Variants in TRIM58 observed in about 807,000 individuals in gnomAD.
TRIM58 encodes E3 ubiquitin-protein ligase TRIM58.
Under a neutral mutation model 34.1 loss-of-function variants are expected in TRIM58, and 38 were observed. That is an observed-to-expected ratio of 1.12 (90% CI 0.86 to 1.46). The LOEUF (loss-of-function observed/expected upper bound fraction) is 1.46. Among genes scored for constraint, TRIM58 ranks in the 40% most tolerant of loss-of-function variants. The pLI is 0.00. For synonymous variants in TRIM58, 273 were observed against 275.7 expected, an observed-to-expected ratio of 0.99 and a Z score of 0.10; for missense variants, 677 against 642.0, an observed-to-expected ratio of 1.05 and a Z score of -0.59.
chr1:247,874,281 G>A (rs781343523), intron 5 of TRIM58, among the ~76,000 whole-genome samples: 6 of 152,310 alleles, frequency 3.9e-5, no homozygotes, highest in South Asian at 2.1e-4. Context: ...AGGAGCCAGC[G>A]TATCACATGG....
chr1:247,869,724 G>A (rs1404144613), intron 5 of TRIM58, among the ~76,000 whole-genome samples: 1 of 152,192 alleles, frequency 6.6e-6, no homozygotes, highest in East Asian at 1.9e-4. Flanking sequence ...AAACTATCAA[G>A]GAGACAGTGT....
intron 3 of TRIM58, among the ~76,000 whole-genome samples, chr1:247,865,282 A>G (rs1018052421): frequency 7.2e-5 from 11 of 152,148 alleles, no homozygotes; most frequent in Non-Finnish European, 2.9e-5. Flanking sequence ...AACAAACAGC[A>G]TATAGTTTGT....
In TRIM58 at chr1:247,864,825, CAG is replaced by C. The variant is rs778640167; in HGVS notation, c.641_642del (p.Arg214ThrfsTer21). On this transcript the variant is annotated frameshift_variant, in exon 3 of 6. Coordinates refer to ENST00000366481, the MANE Select transcript of TRIM58 (RefSeq NM_015431.4). LOFTEE classifies it high-confidence loss of function. The stretch of plus-strand genomic sequence containing the variant: ...GGAGGCGGAGGAGCGAGCGACGCTG[CAG>C]AGACTGCGGGAGAGCAAGAGCCGGC... Reference protein sequence around the residue: ...RLEAEERATLQRLRESKSRLV... With the variant: ...RLEAEERATLXRLRESKSRLV... The C allele has an allele frequency of 1.1e-5, 18 of 1,613,706 alleles. No individual in the cohort carries two copies. In the East Asian group the frequency reaches 4.0e-4, roughly 36 times the overall value.
chr1:247,857,187 G>A lies in TRIM58; in HGVS notation c.-60G>A, dbSNP rs1374353100. On this transcript the variant is annotated 5_prime_UTR_variant, in exon 1 of 6. Transcript: ENST00000366481. Reference sequence around the variant, plus strand: ...CTGGGGCGTGGGCTCCTCCCCCTGTGCAGACCGCGAGGGGAGACGGTGCGG... The same window carrying A: ...CTGGGGCGTGGGCTCCTCCCCCTGTACAGACCGCGAGGGGAGACGGTGCGG... 7 of 1,297,066 alleles carry A rather than the reference G, an allele frequency of 5.4e-6. No homozygotes were observed. Among genetic ancestry groups the A allele is most frequent in the African/African-American group, 3.1e-5 (2 of 64,636 alleles). The allele number at this position is 1,297,066 out of a possible 1,614,324, so 80.3% of individuals were successfully genotyped here.
At chr1:247,866,343 A>T (rs1663924839) in intron 3 of TRIM58, among the ~76,000 whole-genome samples, 1 of 146,858 alleles carries the variant, frequency 6.8e-6, no homozygotes, top group South Asian at 2.2e-4. Flanking sequence ...CACCTGGCTA[A>T]TTTTTTTTTT....
At position 247,864,702 on chromosome 1, in the gene TRIM58, C is replaced by G. The variant is rs770038479; in HGVS notation, c.517-3C>G. 1 of 1,613,778 alleles carries G rather than the reference C, an allele frequency of 6.2e-7. No individual in the cohort carries two copies. The highest frequency in any genetic ancestry group is 1.7e-5 in the Admixed American group (1 of 59,986). ...GACGATGTGATCCACGGTGTCACCT[C>G]AGGAGAAAGTGGAAATGCAGAGGCA... On this transcript the variant is annotated splice_region_variant and splice_polypyrimidine_tract_variant and intron_variant, in intron 2 of 5. Transcript: ENST00000366481.
intron 5 of TRIM58, among the ~76,000 whole-genome samples, chr1:247,873,524 T>C (rs1659197239): frequency 6.6e-6 from 1 of 152,210 alleles, no homozygotes; most frequent in South Asian, 2.1e-4. Context: ...CTCTGTTATT[T>C]ACCTCTAGAG....
chr1:247,857,558 C>A lies in TRIM58; in HGVS notation c.312C>A (p.Ser104Arg). 7.9e-7 allele frequency: 1 copy of A among 1,271,682 alleles called. No homozygotes were observed. The allele number at this position is 1,271,682 out of a possible 1,614,324, so 78.8% of individuals were successfully genotyped here. A position where few individuals can be genotyped will look rare whatever the true frequency, so the allele number is the denominator to read the frequency against. Residue 104 changes from serine (S) to arginine (R), a missense_variant, in exon 1 of 6, where the codon AGC (serine) becomes AGA (arginine). Ser to Arg is a moderately radical substitution (Grantham distance 110). Transcript: ENST00000366481. The stretch of plus-strand genomic sequence containing the variant: ...GCGCGCGGCACGGCGAGGACCTGAG[C>A]CGCTTCTGCGAGGAGGACGAGGCGG... ...RRCARHGEDLSRFCEEDEAAL... is the reference protein window; with the variant it reads ...RRCARHGEDLRRFCEEDEAAL...
intron 3 of TRIM58, among the ~76,000 whole-genome samples, chr1:247,867,121 C>T (rs1403687727): frequency 1.3e-5 from 2 of 152,008 alleles, no homozygotes; most frequent in African/African-American, 4.8e-5. Flanking sequence ...TAGATAACCT[C>T]CTCATAGGAA....
rs1663655817 is a variant in TRIM58 at position 247,857,366 on chromosome 1, C to T, written c.120C>T (p.Ile40=). Residue 40 remains isoleucine (I), a synonymous_variant, in exon 1 of 6, where the codon ATC becomes ATT. Transcript: ENST00000366481. ...GCCACAGCTTCTGCCTCAGGTGCAT[C>T]TCCGAGTTCTGCGAGAAGTCGGACG... ...DCGHSFCLRC[I]SEFCEKSDGA... The T allele has an allele frequency of 6.6e-7, 1 of 1,525,178 alleles. No individual in the cohort carries two copies. The allele number at this position is 1,525,178 out of a possible 1,614,324, so 94.5% of individuals were successfully genotyped here. A position where few individuals can be genotyped will look rare whatever the true frequency, so the allele number is the denominator to read the frequency against.
chr1:247,868,277 TC>T (rs1663976142), intron 5 of TRIM58, among the ~76,000 whole-genome samples: 1 of 152,136 alleles, frequency 6.6e-6, no homozygotes, highest in African/African-American at 2.4e-5. Context: ...GTTGGTTTGT[TC>T]CTAGGTGTGG....
At position 247,857,208 on chromosome 1, in the gene TRIM58, T is replaced by G. The variant is rs1049311505; in HGVS notation, c.-39T>G. 1.7e-4 allele frequency: 216 copies of G among 1,304,870 alleles called. No homozygotes were observed. Among genetic ancestry groups the G allele is most frequent in the Non-Finnish European group, 2.0e-4 (205 of 1,021,940 alleles). 80.8% of individuals were successfully genotyped at this position (1,304,870 alleles called of 1,614,324 possible). ...CTGTGCAGACCGCGAGGGGAGACGGTGCGGGCGGCCGGGAGCGCAGCCCTC... is the reference window on the plus strand; with the variant it reads ...CTGTGCAGACCGCGAGGGGAGACGGGGCGGGCGGCCGGGAGCGCAGCCCTC... On this transcript the variant is annotated 5_prime_UTR_variant, in exon 1 of 6. Coordinates refer to ENST00000366481, the MANE Select transcript of TRIM58 (RefSeq NM_015431.4).
rs1572583176 is a variant in TRIM58 at position 247,879,129 on chromosome 1, T to G, written c.*2640T>G. Among the ~76,000 whole-genome samples, 1 of 152,110 alleles carries G rather than the reference T, an allele frequency of 6.6e-6. No homozygotes were observed. The highest frequency in any genetic ancestry group is 1.9e-4 in the East Asian group (1 of 5,178). On this transcript the variant is annotated 3_prime_UTR_variant, in exon 6 of 6. Coordinates refer to ENST00000366481, the MANE Select transcript of TRIM58 (RefSeq NM_015431.4). Reference sequence around the variant, plus strand: ...ATTTGCCTAAAACTTACCCACAAATTTCTCCCCAAGTCTCTCCCTAACTGC... The same window carrying G: ...ATTTGCCTAAAACTTACCCACAAATGTCTCCCCAAGTCTCTCCCTAACTGC...
rs1664014793 is a variant in TRIM58 at position 247,869,649 on chromosome 1, C to G, written c.871+1586C>G. On this transcript the variant is annotated intron_variant, in intron 5 of 5. Transcript: ENST00000366481. The stretch of plus-strand genomic sequence containing the variant: ...TATCATAGGCATGGTGACTCATGCA[C>G]TCCTCTTAAAGGTACCCATGCTGAA... 2.0e-5 allele frequency among the ~76,000 whole-genome samples: 3 copies of G among 152,324 alleles called. No homozygotes were observed. The South Asian group carries it at 6.2e-4, about 32-fold the overall frequency.
intron 2 of TRIM58, among the ~76,000 whole-genome samples, chr1:247,862,240 A>G (rs1437775355): frequency 1.3e-5 from 2 of 152,162 alleles, no homozygotes; most frequent in Non-Finnish European, 2.9e-5. Flanking sequence ...TGTTAATAAC[A>G]TTAGTACCTA....
chr1:247,865,042 AG>A, intron 3 of TRIM58, 107 bp downstream of exon 3: 1 of 1,062,888 alleles, frequency 9.4e-7, no homozygotes, highest in South Asian at 1.7e-5. Flanking sequence ...CTTTAGGAAA[AG>A]GGCACCCTCA....
intron 5 of TRIM58, among the ~76,000 whole-genome samples, chr1:247,870,182 C>T (rs1219337312): frequency 6.6e-6 from 1 of 152,042 alleles, no homozygotes; most frequent in Non-Finnish European, 1.5e-5. Context: ...TCTCCAAGGG[C>T]CTTTAATTTA....
rs550153705 is a variant in TRIM58, at chr1:247,879,869, C to T, written c.*3380C>T. 1.3e-5 allele frequency among the ~76,000 whole-genome samples: 2 copies of T among 152,134 alleles called. No individual in the cohort carries two copies. Among genetic ancestry groups the T allele is most frequent in the East Asian group, 3.9e-4 (2 of 5,132 alleles). ...TACTCCCCCCAGAGCCCATCTAGAG[C>T]TCACCTTTCCAGTCGCCCTTGCCAG... On this transcript the variant is annotated 3_prime_UTR_variant, in exon 6 of 6. Transcript: ENST00000366481.
chr1:247,857,757 C>T (rs1166099443), intron 1 of TRIM58, 91 bp downstream of exon 1: 7 of 1,192,774 alleles, frequency 5.9e-6, no homozygotes, highest in Non-Finnish European at 7.3e-6. Context: ...CACCCGTCTC[C>T]TGAGCGGCTC....
Sources: allele counts gnomAD v4.1 joint callset (sites outside exome capture counted in the v4.1 genomes callset), GRCh38; gene constraint gnomAD v4.1.1; transcripts MANE v1.5; gene names NCBI Gene and HGNC (gene_info 2026-07-23, HGNC 2026-07-21).